CHODL: variants seen among roughly 807,000 people sequenced by gnomAD.
CHODL encodes chondrolectin.
A neutral mutation model predicts 34.5 loss-of-function variants in CHODL; 29 were observed. The ratio of observed to expected loss-of-function variants is 0.84; its 90% CI spans 0.63 to 1.15. The LOEUF (loss-of-function observed/expected upper bound fraction) is 1.15, where lower values mean the gene tolerates loss of function less well. Ranked by LOEUF, CHODL falls within the 50% of genes most tolerant of loss-of-function variation. The pLI, the probability that CHODL is intolerant of heterozygous loss-of-function variation, is 0.00. For missense variants in CHODL, 332 were observed against 332.5 expected, an observed-to-expected ratio of 1.00 and a Z score of 0.01; for synonymous variants, 125 against 116.1, an observed-to-expected ratio of 1.08 and a Z score of -0.49.
At chr21:18,023,731 C>T (rs2064148824) in intron 1 of CHODL, among the ~76,000 whole-genome samples, 1 of 152,078 alleles carries the variant, frequency 6.6e-6, no homozygotes, top group Non-Finnish European at 1.5e-5. Context: ...TACCCTTTAC[C>T]CTGTATATGA....
At chr21:18,265,215 A>ATATATATG (rs2074440010) in intron 5 of CHODL, among the ~76,000 whole-genome samples, 1 of 133,144 alleles carries the variant, frequency 7.5e-6, no homozygotes, top group African/African-American at 3.5e-5. Flanking sequence ...ACATATATGT[A>ATATATATG]TGTGTATATA....
chr21:18,214,768 G>T (rs192235328), intron 2 of CHODL, among the ~76,000 whole-genome samples: 66 of 152,172 alleles, frequency 4.3e-4, no homozygotes, highest in Admixed American at 1.5e-3. Flanking sequence ...ACTTAGTACA[G>T]AGAACATTTG....
intron 1 of CHODL, among the ~76,000 whole-genome samples, chr21:17,975,603 T>C (rs188912101): frequency 1.3e-5 from 2 of 152,228 alleles, no homozygotes; most frequent in Non-Finnish European, 2.9e-5. Context: ...TCAAACCCAC[T>C]CTTTTTCTTG....
In CHODL at chr21:18,195,824, C is replaced by CA. The variant is rs532705275; in HGVS notation, c.-44-60684dup. On this transcript the variant is annotated intron_variant, in intron 2 of 6. Transcript: ENST00000400127. Reference sequence around the variant, plus strand: ...CCCCAGCCAGTAATACTACCTGGCACAGAAAAGTATTTAAATAATAAATAA... The same window carrying CA: ...CCCCAGCCAGTAATACTACCTGGCACAAGAAAAGTATTTAAATAATAAATAA... Among the ~76,000 whole-genome samples the CA allele has an allele frequency of 2.2e-4, 33 of 152,208 alleles. No individual in the cohort carries two copies. The South Asian group carries it at 6.8e-3, about 32-fold the overall frequency.
intron 2 of CHODL, among the ~76,000 whole-genome samples, chr21:18,078,278 C>T (rs138376580): frequency 5.7e-4 from 86 of 152,206 alleles, no homozygotes; most frequent in African/African-American, 1.7e-3. Flanking sequence ...AGGAAAGGCA[C>T]CTCCTATATG....
chr21:18,101,033 C>T (rs1423898146), intron 2 of CHODL, among the ~76,000 whole-genome samples: 3 of 152,096 alleles, frequency 2.0e-5, no homozygotes, highest in South Asian at 2.1e-4. Flanking sequence ...TGTGTCCCCA[C>T]CCAAATCTCA....
rs186883798 is a variant in CHODL, at chr21:18,031,472, T to G, written c.-45+3501T>G. Among the ~76,000 whole-genome samples the G allele has an allele frequency of 2.1e-3, 322 of 152,120 alleles. 1 individual carries two copies. Among genetic ancestry groups the G allele is most frequent in the African/African-American group, 7.3e-3 (305 of 41,522 alleles). Reference sequence around the variant, plus strand: ...AGAAGGCTTAAGAAATTGGGGTAATTTTATCTAATATGACCCAGCTGGGGC... The same window carrying G: ...AGAAGGCTTAAGAAATTGGGGTAATGTTATCTAATATGACCCAGCTGGGGC... On this transcript the variant is annotated intron_variant, in intron 2 of 6. Transcript: ENST00000400127.
intron 1 of CHODL, among the ~76,000 whole-genome samples, chr21:18,016,702 T>C (rs2064077610): frequency 6.6e-6 from 1 of 152,148 alleles, no homozygotes; most frequent in Admixed American, 6.5e-5. Context: ...GGATGGTAGA[T>C]CCACTGACAG....
intron 1 of CHODL, among the ~76,000 whole-genome samples, chr21:18,250,018 T>G (rs1412642396): frequency 6.6e-6 from 1 of 152,116 alleles, no homozygotes; most frequent in Non-Finnish European, 1.5e-5. Context: ...AGAGGTCGTC[T>G]TTTCCCAATT....
chr21:17,973,048 TC>T (rs1414054102), intron 1 of CHODL, among the ~76,000 whole-genome samples: 1 of 152,176 alleles, frequency 6.6e-6, no homozygotes, highest in African/African-American at 2.4e-5. Context: ...GGGAAAGAAT[TC>T]CTTATTTAAT....
chr21:17,918,666 C>G (rs1370735262), intron 1 of CHODL, among the ~76,000 whole-genome samples: 1 of 152,178 alleles, frequency 6.6e-6, no homozygotes, highest in African/African-American at 2.4e-5. Context: ...CCCAGCCCCT[C>G]CCAAATCTCA....
intron 2 of CHODL, among the ~76,000 whole-genome samples, chr21:18,170,910 A>G (rs2073219607): frequency 6.6e-6 from 1 of 151,726 alleles, no homozygotes. Flanking sequence ...GCATCCTTTT[A>G]TTTTAGCTTG....
At chr21:18,088,624 AT>A (rs1401352058) in intron 2 of CHODL, among the ~76,000 whole-genome samples, 4 of 152,148 alleles carry the variant, frequency 2.6e-5, no homozygotes, top group Non-Finnish European at 5.9e-5. Context: ...CAATTTCCAG[AT>A]GGGCAAGCTG....
At chr21:18,077,710 G>A (rs181705448) in intron 2 of CHODL, among the ~76,000 whole-genome samples, 1 of 152,134 alleles carries the variant, frequency 6.6e-6, no homozygotes, top group Non-Finnish European at 1.5e-5. Flanking sequence ...TGTTTAGGAC[G>A]CAAACCCTCA....
At chr21:18,165,778 G>A (rs2073145724) in intron 2 of CHODL, among the ~76,000 whole-genome samples, 1 of 152,134 alleles carries the variant, frequency 6.6e-6, no homozygotes, top group Admixed American at 6.5e-5. Context: ...CTTTTAATGA[G>A]AGAATGACAA....
chr21:18,166,246 C>T (rs1016055682), intron 2 of CHODL, among the ~76,000 whole-genome samples: 2 of 152,194 alleles, frequency 1.3e-5, no homozygotes, highest in African/African-American at 4.8e-5. Flanking sequence ...GCCCCACAAG[C>T]TCTCCATTAG....
intron 1 of CHODL, among the ~76,000 whole-genome samples, chr21:17,946,580 A>G (rs993977665): frequency 9.2e-5 from 14 of 152,348 alleles, no homozygotes; most frequent in African/African-American, 3.1e-4. Flanking sequence ...TTGTATATGT[A>G]GGTTCTTTGA....
intron 1 of CHODL, among the ~76,000 whole-genome samples, chr21:17,951,391 G>C (rs745722925): frequency 3.3e-5 from 5 of 152,126 alleles, no homozygotes; most frequent in African/African-American, 4.8e-5. Flanking sequence ...CTAGGAGGGC[G>C]TAAGGACAGA....
chr21:17,977,571 A>G (rs1434768753), intron 1 of CHODL, among the ~76,000 whole-genome samples: 1 of 148,402 alleles, frequency 6.7e-6, no homozygotes, highest in Non-Finnish European at 1.5e-5. Context: ...CATGTTGGCC[A>G]GGATGGTCTC....
Sources: gnomAD v4.1 joint callset for allele counts (sites outside exome capture counted in the v4.1 genomes callset) on GRCh38, gnomAD v4.1.1 for gene constraint, MANE v1.5 for transcripts, NCBI Gene and HGNC (gene_info 2026-07-23, HGNC 2026-07-21) for gene names.